The following ERG variants were observed in gnomAD, a reference collection of about 807,000 sequenced individuals.
ERG encodes transcriptional regulator ERG.
A neutral mutation model predicts 55.3 loss-of-function variants in ERG; 9 were observed. That is an observed-to-expected ratio of 0.16 (90% CI 0.10 to 0.28). The LOEUF (loss-of-function observed/expected upper bound fraction) is 0.28, where lower values mean the gene tolerates loss of function less well. ERG is among the 10% of genes least tolerant of loss of function. ERG has a pLI of 1.00. For missense variants in ERG, 434 were observed against 631.6 expected (o/e 0.69, Z 3.35); for synonymous variants, 223 against 237.3 (o/e 0.94, Z 0.55).
the ERG span, among the ~76,000 whole-genome samples, chr21:38,371,263 C>T: frequency 0.01 from 1,540 of 151,988 alleles, 20 homozygotes; most frequent in African/African-American, 0.034. Context: ...TTTGCTAAAA[C>T]TCTTAAATAA....
At chr21:38,549,394 T>C (rs187548428) in intron 2 of ERG, among the ~76,000 whole-genome samples, 13 of 151,626 alleles carry the variant, frequency 8.6e-5, no homozygotes, top group Admixed American at 8.5e-4. Context: ...TCTAAACAGC[T>C]AGTTATCTTA....
At chr21:38,398,971 T>C (rs895933221) in intron 6 of ERG, among the ~76,000 whole-genome samples, 19 of 152,216 alleles carry the variant, frequency 1.2e-4, no homozygotes, top group Non-Finnish European at 5.9e-5. Flanking sequence ...GGAAATAGTT[T>C]TTATTTTTTT....
intron 1 of ERG, among the ~76,000 whole-genome samples, chr21:38,625,571 C>T (rs1004470758): frequency 6.6e-6 from 1 of 152,102 alleles, no homozygotes; most frequent in Admixed American, 6.5e-5. Context: ...GAGTGTGAAG[C>T]AGCGAGCCTT....
At chr21:38,590,983 A>G (rs571041778) in intron 1 of ERG, among the ~76,000 whole-genome samples, 25 of 152,320 alleles carry the variant, frequency 1.6e-4, no homozygotes, top group African/African-American at 5.8e-4. Flanking sequence ...CAGGGGTGAA[A>G]GGGGCAAAAG....
At chr21:38,504,029 G>GGT (rs987751379) in intron 2 of ERG, among the ~76,000 whole-genome samples, 13 of 152,006 alleles carry the variant, frequency 8.6e-5, no homozygotes, top group Non-Finnish European at 1.9e-4. Flanking sequence ...TGTGTATGAG[G>GGT]GTGTGTGTGT....
At chr21:38,434,727 G>C (rs1360436232) in intron 2 of ERG, among the ~76,000 whole-genome samples, 1 of 152,196 alleles carries the variant, frequency 6.6e-6, no homozygotes, top group Non-Finnish European at 1.5e-5. Flanking sequence ...ATGCTTTCTT[G>C]AGGTTGCTGT....
intron 1 of ERG, among the ~76,000 whole-genome samples, chr21:38,653,372 G>A (rs1472929775): frequency 6.6e-6 from 1 of 152,150 alleles, no homozygotes; most frequent in South Asian, 2.1e-4. Context: ...CCCCTCTGTG[G>A]ATGGAGTCCT....
At chr21:38,411,027 T>C (rs2146474831) in intron 3 of ERG, among the ~76,000 whole-genome samples, 1 of 152,334 alleles carries the variant, frequency 6.6e-6, no homozygotes, top group Non-Finnish European at 1.5e-5. Flanking sequence ...CAATCTGCTG[T>C]CCAAGACACT....
intron 1 of ERG, among the ~76,000 whole-genome samples, chr21:38,480,591 CTTTT>C (rs544037525): frequency 0.16 from 8,326 of 50,820 alleles, 147 homozygotes; most frequent in East Asian, 0.32. Context: ...ACTATATGGC[CTTTT>C]TTTTTTTTTT....
intron 2 of ERG, among the ~76,000 whole-genome samples, chr21:38,537,396 T>C (rs2059718429): frequency 6.6e-6 from 1 of 151,008 alleles, no homozygotes; most frequent in African/African-American, 2.4e-5. Context: ...AGAGAAAATA[T>C]CTGAAAATAA....
At chr21:38,594,281 T>A (rs1162574015) in intron 1 of ERG, among the ~76,000 whole-genome samples, 1 of 152,058 alleles carries the variant, frequency 6.6e-6, no homozygotes, top group African/African-American at 2.4e-5. Context: ...AATTTAAAAA[T>A]CATCCTTCAT....
intron 1 of ERG, among the ~76,000 whole-genome samples, chr21:38,462,692 A>G (rs2059054505): frequency 2.0e-5 from 3 of 152,186 alleles, no homozygotes; most frequent in Admixed American, 6.5e-5. Flanking sequence ...TATGCAACTT[A>G]AAAAACTGAG....
intron 2 of ERG, among the ~76,000 whole-genome samples, chr21:38,438,669 C>T (rs562406541): frequency 9.2e-5 from 14 of 152,364 alleles, no homozygotes; most frequent in African/African-American, 2.9e-4. Flanking sequence ...GGGCAAAGCG[C>T]CAATGTGGCG....
At chr21:38,584,450 T>C (rs559684799) in intron 1 of ERG, among the ~76,000 whole-genome samples, 1 of 152,322 alleles carries the variant, frequency 6.6e-6, no homozygotes, top group Admixed American at 6.5e-5. Flanking sequence ...AATGTAGTAG[T>C]ATGATAGAAA....
chr21:38,569,075 C>G (rs1237210386), intron 2 of ERG, among the ~76,000 whole-genome samples: 1 of 152,244 alleles, frequency 6.6e-6, no homozygotes, highest in Non-Finnish European at 1.5e-5. Context: ...TCCCCTGTCC[C>G]TCTCTAGCAG....
intron 2 of ERG, among the ~76,000 whole-genome samples, chr21:38,509,191 G>A (rs1419588817): frequency 6.6e-6 from 1 of 152,198 alleles, no homozygotes; most frequent in East Asian, 1.9e-4. Context: ...GAGTCCTGCA[G>A]TGAGTTGTTA....
intron 2 of ERG, among the ~76,000 whole-genome samples, chr21:38,573,027 G>C (rs1173218994): frequency 6.6e-6 from 1 of 152,192 alleles, no homozygotes; most frequent in African/African-American, 2.4e-5. Flanking sequence ...GACCCAACCT[G>C]GAGCTCACAA....
rs1397512086 is a variant in ERG, at chr21:38,498,427, T to G, written c.-47A>C. 1.3e-6 allele frequency: 2 copies of G among 1,597,996 alleles called. No homozygotes were observed. Among genetic ancestry groups the G allele is most frequent in the Non-Finnish European group, 1.7e-6 (2 of 1,171,746 alleles). On this transcript the variant is annotated 5_prime_UTR_variant, in exon 1 of 10. Transcript: ENST00000288319. This position sits in a 1 kb window ranked among gnomAD's most constrained non-coding sequence, Gnocchi z 4.6. ...CGTTAATAAATGTTAATAATAATTA[T>G]TGCTTCTCTCTGACCAGAAAGTAGT...
At chr21:38,602,484 C>T (rs1371782080) in intron 1 of ERG, among the ~76,000 whole-genome samples, 1 of 151,922 alleles carries the variant, frequency 6.6e-6, no homozygotes, top group Non-Finnish European at 1.5e-5. Context: ...TAAACCAAAA[C>T]AGTTGTACAA....
Sources: gnomAD v4.1 joint callset for allele counts (sites outside exome capture counted in the v4.1 genomes callset) on GRCh38, gnomAD v4.1.1 for gene constraint, Gnocchi (gnomAD v3.1) non-coding constraint, MANE v1.5 for transcripts, NCBI Gene and HGNC (gene_info 2026-07-23, HGNC 2026-07-21) for gene names.